The following ZFHX3 variants were observed in gnomAD, a reference collection of about 807,000 sequenced individuals.
ZFHX3 encodes the protein zinc finger homeobox protein 3.
Under a neutral mutation model 279.1 loss-of-function variants are expected in ZFHX3, and 42 were observed. The observed-to-expected ratio is 0.15, with a 90% CI of 0.12 to 0.19. ZFHX3 has a LOEUF of 0.19. ZFHX3 is among the 10% of genes least tolerant of loss of function. The pLI, the probability that ZFHX3 is intolerant of heterozygous loss-of-function variation, is 1.00. For synonymous variants in ZFHX3, 2,293 were observed against 1,957.8 expected (o/e 1.17, Z -4.52); for missense variants, 4,981 against 4,754.0 (o/e 1.05, Z -1.40).
intron 5 of ZFHX3, among the ~76,000 whole-genome samples, chr16:73,171,805 A>T (rs370886014): frequency 2.0e-5 from 3 of 152,234 alleles, no homozygotes; most frequent in African/African-American, 7.2e-5. Context: ...ACATACACGT[A>T]CCCGGTGTCA....
intron 5 of ZFHX3, among the ~76,000 whole-genome samples, chr16:73,144,015 C>T (rs1015817276): frequency 1.3e-5 from 2 of 152,176 alleles, no homozygotes; most frequent in Non-Finnish European, 2.9e-5. Flanking sequence ...GCAAATGACA[C>T]AGTTCCCTGT....
At position 72,896,423 on chromosome 16, in the gene ZFHX3, C is replaced by T. The variant is rs74407710; in HGVS notation, c.3217-6461G>A. On this transcript the variant is annotated intron_variant, in intron 3 of 9. Transcript: ENST00000268489. ...CTCACTGAGAAGAACACAGCAAAGC[C>T]CTCCCTGCAACCAGAGGCACCTCGG... Among the ~76,000 whole-genome samples the T allele has an allele frequency of 3.8e-3, 572 of 152,266 alleles. 4 individuals carry two copies. The highest frequency in any genetic ancestry group is 0.013 in the African/African-American group (558 of 41,540).
chr16:73,242,200 G>T (rs990460248), intron 5 of ZFHX3, among the ~76,000 whole-genome samples: 6 of 152,136 alleles, frequency 3.9e-5, no homozygotes, highest in Non-Finnish European at 8.8e-5. Context: ...AGGCTGAGTG[G>T]GGTCCAACCA....
chr16:73,527,935 G>A (rs935406089), intron 2 of ZFHX3, among the ~76,000 whole-genome samples: 13 of 152,222 alleles, frequency 8.5e-5, no homozygotes, highest in Admixed American at 7.2e-4. Context: ...TCCTGACCCA[G>A]GGAAACTGAC....
At chr16:73,353,879 C>T (rs1284417825) in intron 3 of ZFHX3, among the ~76,000 whole-genome samples, 3 of 152,082 alleles carry the variant, frequency 2.0e-5, no homozygotes, top group Non-Finnish European at 4.4e-5. Flanking sequence ...TTCATGATAA[C>T]GACAGGTAAC....
chr16:72,880,116 C>G (rs1323729511), intron 4 of ZFHX3, among the ~76,000 whole-genome samples: 1 of 152,220 alleles, frequency 6.6e-6, no homozygotes, highest in Admixed American at 6.5e-5. Context: ...CAGAGAAGGC[C>G]TGGTGGGCGC....
chr16:73,243,662 C>T (rs934672066), intron 5 of ZFHX3, among the ~76,000 whole-genome samples: 2 of 152,034 alleles, frequency 1.3e-5, no homozygotes, highest in Admixed American at 6.5e-5. Context: ...TTGCTTTCAT[C>T]GGGGTTTTGC....
intron 1 of ZFHX3, among the ~76,000 whole-genome samples, chr16:73,017,902 C>T (rs755119588): frequency 1.3e-5 from 2 of 152,196 alleles, no homozygotes; most frequent in Non-Finnish European, 2.9e-5. Flanking sequence ...CACTTTTACT[C>T]TCTCCTCTTC....
chr16:73,607,452 C>T (rs1355528717), intron 2 of ZFHX3, among the ~76,000 whole-genome samples: 1 of 152,160 alleles, frequency 6.6e-6, no homozygotes, highest in Non-Finnish European at 1.5e-5. Flanking sequence ...TATAAAGATA[C>T]CTGCACGCGT....
intron 3 of ZFHX3, among the ~76,000 whole-genome samples, chr16:72,911,438 G>GT (rs1407677468): frequency 1.3e-5 from 2 of 152,200 alleles, no homozygotes; most frequent in Non-Finnish European, 2.9e-5. Context: ...GATTTAGAAA[G>GT]TAACATCTTT....
At chr16:73,352,350 T>C (rs1026681118) in intron 3 of ZFHX3, among the ~76,000 whole-genome samples, 2 of 152,216 alleles carry the variant, frequency 1.3e-5, no homozygotes, top group African/African-American at 4.8e-5. Context: ...GCTTGACCTC[T>C]CTGTGCCTGG....
intron 1 of ZFHX3, among the ~76,000 whole-genome samples, chr16:73,696,166 A>C (rs569742748): frequency 6.6e-6 from 1 of 152,242 alleles, no homozygotes; most frequent in Admixed American, 6.5e-5. Context: ...AGTGGCATCA[A>C]CCCTCTGCTA....
chr16:72,959,309 C>A lies in ZFHX3; in HGVS notation c.837G>T (p.Lys279Asn). 6.2e-7 allele frequency: 1 copy of A among 1,614,244 alleles called. No homozygotes were observed. Among genetic ancestry groups the A allele is most frequent in the South Asian group, 1.1e-5 (1 of 91,076 alleles). ...FDGFVLYGKR[K>N]PILMCFLCKL... is the part of the protein sequence containing the mutation. The stretch of plus-strand genomic sequence containing the variant: ...TGCACAAGAAACACATCAGGATGGG[C>A]TTCCTCTTGCCATAGAGCACAAAGC... The change falls in exon 2 of 10, where the codon AAG (lysine) becomes AAT (asparagine). Residue 279 changes from lysine to asparagine, a missense_variant. Physicochemically the swap from Lys to Asn is moderately conservative, Grantham distance 94. Around this residue, in one of 7 missense-constraint regions of ZFHX3, gnomAD observed 1,068 missense variants for 935.2 expected, o/e 1.14. Transcript: ENST00000268489.
intron 3 of ZFHX3, among the ~76,000 whole-genome samples, chr16:72,899,826 A>G (rs2038987588): frequency 6.6e-6 from 1 of 152,224 alleles, no homozygotes. Context: ...TAGCCTTCAT[A>G]ATAAATGAGG....
chr16:73,136,037 T>C (rs1966783758), intron 6 of ZFHX3, among the ~76,000 whole-genome samples: 8 of 152,144 alleles, frequency 5.3e-5, no homozygotes, highest in Admixed American at 5.2e-4. Flanking sequence ...TTTGTATTTT[T>C]AGTAGAGACG....
At chr16:73,854,268 G>A (rs1961661977) in intron 1 of ZFHX3, among the ~76,000 whole-genome samples, 1 of 152,178 alleles carries the variant, frequency 6.6e-6, no homozygotes, top group Non-Finnish European at 1.5e-5. Context: ...GCTCATGCCT[G>A]TAATCCCAGA....
chr16:73,713,993 C>A (rs912124258), intron 1 of ZFHX3, among the ~76,000 whole-genome samples: 2 of 152,118 alleles, frequency 1.3e-5, no homozygotes, highest in African/African-American at 2.4e-5. Context: ...CGATACCCAG[C>A]GGCTGGCACC....
At chr16:73,013,780 G>T (rs1396553554) in intron 1 of ZFHX3, among the ~76,000 whole-genome samples, 1 of 152,058 alleles carries the variant, frequency 6.6e-6, no homozygotes, top group Non-Finnish European at 1.5e-5. Context: ...TGTAATATTT[G>T]GTTTAGCTTT....
chr16:73,688,638 T>C (rs954328672), intron 1 of ZFHX3, among the ~76,000 whole-genome samples: 11 of 152,094 alleles, frequency 7.2e-5, no homozygotes, highest in Non-Finnish European at 1.6e-4. Flanking sequence ...GCAACACATT[T>C]CTGTTGATTA....
Sources: gnomAD v4.1 joint callset for allele counts (sites outside exome capture counted in the v4.1 genomes callset) on GRCh38, gnomAD v4.1.1 for gene constraint, gnomAD v4.1.1 regional missense constraint, MANE v1.5 for transcripts, NCBI Gene and HGNC (gene_info 2026-07-23, HGNC 2026-07-21) for gene names.